MAP3K4: variants seen among roughly 807,000 people sequenced by gnomAD.
The protein encoded by MAP3K4 is MAP three kinase 1.
Under a neutral mutation model 185.6 loss-of-function variants are expected in MAP3K4, and 67 were observed. That is an observed-to-expected ratio of 0.36 (90% confidence interval 0.30 to 0.44). The LOEUF is 0.44. Ranked by LOEUF, MAP3K4 falls within the 20% of genes least tolerant of loss-of-function variation. MAP3K4 has a pLI of 1.00. For synonymous variants in MAP3K4, 702 were observed against 710.4 expected, an observed-to-expected ratio of 0.99 and a Z score of 0.19; for missense variants, 1,551 against 1,995.1, an observed-to-expected ratio of 0.78 and a Z score of 4.24.
intron 1 of MAP3K4, among the ~76,000 whole-genome samples, chr6:161,014,905 C>G (rs1214252741): frequency 6.6e-6 from 1 of 152,196 alleles, no homozygotes; most frequent in Non-Finnish European, 1.5e-5. Context: ...CCATTACCAA[C>G]CCCCTGCCCG....
At chr6:161,058,322 A>G (rs917921518) in intron 3 of MAP3K4, among the ~76,000 whole-genome samples, 2 of 152,212 alleles carry the variant, frequency 1.3e-5, no homozygotes, top group Non-Finnish European at 2.9e-5. Flanking sequence ...CCACATTCCC[A>G]CATGACCAGC....
intron 3 of MAP3K4, among the ~76,000 whole-genome samples, chr6:161,058,242 A>C (rs191292068): frequency 3.9e-4 from 59 of 152,302 alleles, no homozygotes; most frequent in African/African-American, 1.4e-3. Context: ...TTAGTGTCTA[A>C]TATTTTTAAA....
In MAP3K4 at chr6:161,097,197, C is replaced by A. The variant is rs752075396; in HGVS notation, c.3524+21C>A. The stretch of plus-strand genomic sequence containing the variant: ...TTCAGGTATTTGGTGCTTATCTAGT[C>A]ATTTGCTTTACAGAGTGCCCTCCGA... On this transcript the variant is annotated intron_variant, in intron 16 of 26. Coordinates refer to ENST00000392142, the MANE Select transcript of MAP3K4 (RefSeq NM_005922.4). The surrounding 1 kb of genome is among the most constrained non-coding windows in gnomAD (Gnocchi z 4.9). The A allele has an allele frequency of 6.2e-7, 1 of 1,605,198 alleles. No individual in the cohort carries two copies. The highest frequency in any genetic ancestry group is 2.2e-5 in the East Asian group (1 of 44,824).
intron 1 of MAP3K4, among the ~76,000 whole-genome samples, chr6:161,004,423 A>G (rs1457015805): frequency 6.6e-6 from 1 of 152,210 alleles, no homozygotes; most frequent in East Asian, 1.9e-4. Context: ...AGAGAAGGCT[A>G]AGCATTTCTT....
At chr6:161,041,563 G>A (rs1322419222) in intron 2 of MAP3K4, among the ~76,000 whole-genome samples, 1 of 152,348 alleles carries the variant, frequency 6.6e-6, no homozygotes, top group South Asian at 2.1e-4. Context: ...TAAGGCTCCA[G>A]AGAGGACCAC....
chr6:161,052,551 C>CT (rs1312782339), intron 3 of MAP3K4, among the ~76,000 whole-genome samples: 1 of 152,150 alleles, frequency 6.6e-6, no homozygotes, highest in Non-Finnish European at 1.5e-5. Flanking sequence ...TCATAAGATG[C>CT]TAAGTGTTCA....
Position 161,098,338 on chromosome 6 carries a change from TGC to T in MAP3K4, c.3586_3587del (p.Ala1196CysfsTer15), listed in dbSNP as rs1777667023. 9.3e-6 allele frequency: 15 copies of T among 1,613,112 alleles called. No homozygotes were observed. The highest frequency in any genetic ancestry group is 1.3e-5 in the African/African-American group (1 of 74,894). ...GCAGCCCTGCTGCTGCTGCTGCTGCTGCTGCTGCTGCTGTTGCTGCCAGTCGG... is the reference window on the plus strand; with the variant it reads ...GCAGCCCTGCTGCTGCTGCTGCTGCTTGCTGCTGCTGTTGCTGCCAGTCGG... ...HGSPAAAAAA[A>X]AAAVAASRPS... is the part of the protein sequence containing the mutation. On this transcript the variant is annotated frameshift_variant, in exon 17 of 27. Coordinates refer to ENST00000392142, the MANE Select transcript of MAP3K4 (RefSeq NM_005922.4). LOFTEE classifies it high-confidence loss of function. This position sits in a 1 kb window ranked among gnomAD's most constrained non-coding sequence, Gnocchi z 4.4.
chr6:161,084,961 A>T lies in MAP3K4; in HGVS notation c.2372+344A>T, dbSNP rs1785629979. ...GGAGTTCAAGACCAGCCTGGCCAAGATGGTGAAACCTCGTCTCTACTAAAA... is the reference window on the plus strand; with the variant it reads ...GGAGTTCAAGACCAGCCTGGCCAAGTTGGTGAAACCTCGTCTCTACTAAAA... On this transcript the variant is annotated intron_variant, in intron 7 of 26. Coordinates refer to ENST00000392142, the MANE Select transcript of MAP3K4 (RefSeq NM_005922.4). This position sits in a 1 kb window ranked among gnomAD's most constrained non-coding sequence, Gnocchi z 4.6. 1.3e-5 allele frequency among the ~76,000 whole-genome samples: 2 copies of T among 152,262 alleles called. No individual in the cohort carries two copies. The highest frequency in any genetic ancestry group is 2.1e-4 in the South Asian group (1 of 4,828).
rs1784874294 is a variant in MAP3K4 at position 161,070,149 on chromosome 6, T to C, written c.1708-459T>C. Among the ~76,000 whole-genome samples the C allele has an allele frequency of 6.6e-6, 1 of 152,228 alleles. No individual in the cohort carries two copies. Among genetic ancestry groups the C allele is most frequent in the African/African-American group, 2.4e-5 (1 of 41,452 alleles). The stretch of plus-strand genomic sequence containing the variant: ...AGAAGAATTAGTGGAACTGATTAGT[T>C]TTTATGTTTTCATAAATGGCTACTT... On this transcript the variant is annotated intron_variant, in intron 3 of 26. Coordinates refer to ENST00000392142, the MANE Select transcript of MAP3K4 (RefSeq NM_005922.4). This position sits in a 1 kb window ranked among gnomAD's most constrained non-coding sequence, Gnocchi z 4.5.
chr6:161,010,943 C>T (rs564027971), intron 1 of MAP3K4, among the ~76,000 whole-genome samples: 152 of 152,084 alleles, frequency 1.0e-3, no homozygotes, highest in African/African-American at 3.5e-3. Context: ...CTTAGAGCAC[C>T]GTAAGGCAGT....
Position 161,048,186 on chromosome 6 carries a change from CTTAAGT to C in MAP3K4, c.344-426_344-421del, listed in dbSNP as rs1783824841. 26 of 509,710 alleles carry C rather than the reference CTTAAGT, an allele frequency of 5.1e-5. No homozygotes were observed. Among genetic ancestry groups the C allele is most frequent in the South Asian group, 3.1e-4 (21 of 66,762 alleles). 31.6% of individuals were successfully genotyped at this position (509,710 alleles called of 1,614,324 possible). On this transcript the variant is annotated intron_variant, in intron 2 of 26. Transcript: ENST00000392142. This position sits in a 1 kb window ranked among gnomAD's most constrained non-coding sequence, Gnocchi z 4.7. ...ATCCAGATAATTTACGTGATTTCCT[CTTAAGT>C]TTACACATTTAGCTAATGACAAATG... is the stretch of plus-strand genomic sequence containing the variant.
chr6:161,091,553 T>C lies in MAP3K4; in HGVS notation c.3135+13T>C. ...TTTTGGATTTGAGGTAGGTTCAAAATAAGAGGAAACACGGTACAATTTAGT... is the reference window on the plus strand; with the variant it reads ...TTTTGGATTTGAGGTAGGTTCAAAACAAGAGGAAACACGGTACAATTTAGT... On this transcript the variant is annotated intron_variant, in intron 12 of 26. Coordinates refer to ENST00000392142, the MANE Select transcript of MAP3K4 (RefSeq NM_005922.4). This position sits in a 1 kb window ranked among gnomAD's most constrained non-coding sequence, Gnocchi z 5.5. 6.2e-7 allele frequency: 1 copy of C among 1,608,094 alleles called. No homozygotes were observed. The highest frequency in any genetic ancestry group is 8.5e-7 in the Non-Finnish European group (1 of 1,177,394).
chr6:160,991,897 C>T lies in MAP3K4; in HGVS notation c.-35C>T. On this transcript the variant is annotated 5_prime_UTR_variant, in exon 1 of 27. Coordinates refer to ENST00000392142, the MANE Select transcript of MAP3K4 (RefSeq NM_005922.4). The surrounding 1 kb of genome is among the most constrained non-coding windows in gnomAD (Gnocchi z 5.7). ...GTGCCCCGCGCCAGGCTGCAGCTTA[C>T]TGCCCGCCGCGGCCATGCGGGGCTC... 1 of 1,489,072 alleles carries T rather than the reference C, an allele frequency of 6.7e-7. No homozygotes were observed. The highest frequency in any genetic ancestry group is 1.5e-5 in the African/African-American group (1 of 68,526). The allele number at this position is 1,489,072 out of a possible 1,614,324, so 92.2% of individuals were successfully genotyped here. A position where few individuals can be genotyped will look rare whatever the true frequency, so the allele number is the denominator to read the frequency against.
chr6:161,022,226 T>G lies in MAP3K4; in HGVS notation c.153-12033T>G, dbSNP rs1384583844. On this transcript the variant is annotated intron_variant, in intron 1 of 26. Transcript: ENST00000392142. This position sits in a 1 kb window ranked among gnomAD's most constrained non-coding sequence, Gnocchi z 4.2. The stretch of plus-strand genomic sequence containing the variant: ...GAACGCAGAGTGTAATCCCTGCATT[T>G]GGTACGGAAGATAAATAGCTATCTG... 1 of 152,222 alleles carries G rather than the reference T, an allele frequency of 6.6e-6. No individual in the cohort carries two copies. The highest frequency in any genetic ancestry group is 6.5e-5 in the Admixed American group (1 of 15,286). The allele number at this position is 152,222 out of a possible 1,614,324, so 9.4% of individuals were successfully genotyped here.
chr6:161,028,035 T>C (rs1782753209), intron 1 of MAP3K4, among the ~76,000 whole-genome samples: 2 of 152,144 alleles, frequency 1.3e-5, no homozygotes, highest in South Asian at 2.1e-4. Flanking sequence ...CAGGTGGCCT[T>C]CTTAAGGTTT....
chr6:161,013,256 C>T (rs594602), intron 1 of MAP3K4, among the ~76,000 whole-genome samples: 130,483 of 152,224 alleles, frequency 0.86, 56,204 homozygotes, highest in Admixed American at 0.9. Context: ...TCATGTTTCA[C>T]TGCTATATAA....
chr6:161,038,627 A>C (rs1783295229), intron 2 of MAP3K4, among the ~76,000 whole-genome samples: 1 of 152,206 alleles, frequency 6.6e-6, no homozygotes, highest in South Asian at 2.1e-4. Context: ...ACCACTGTGA[A>C]ACTTAATGGC....
chr6:161,035,671 T>C (rs983788314), intron 2 of MAP3K4, among the ~76,000 whole-genome samples: 12 of 152,232 alleles, frequency 7.9e-5, no homozygotes, highest in African/African-American at 2.9e-4. Flanking sequence ...ATCTTGAAAA[T>C]CATTTATTGT....
rs1417175243 is a variant in MAP3K4 at position 161,082,783 on chromosome 6, C to CA, written c.2256-1717dup. ...CCACTCTTCCCAGGTTGTCATTTCT[C>CA]ACGTATGTTATTGCAGTAGCTCTCT... On this transcript the variant is annotated intron_variant, in intron 6 of 26. Transcript: ENST00000392142. This position sits in a 1 kb window ranked among gnomAD's most constrained non-coding sequence, Gnocchi z 4.2. 6.6e-6 allele frequency among the ~76,000 whole-genome samples: 1 copy of CA among 152,182 alleles called. No homozygotes were observed. Among genetic ancestry groups the CA allele is most frequent in the African/African-American group, 2.4e-5 (1 of 41,448 alleles).
Sources: allele counts gnomAD v4.1 joint callset (sites outside exome capture counted in the v4.1 genomes callset), GRCh38; gene constraint gnomAD v4.1.1; non-coding constraint Gnocchi (gnomAD v3.1); transcripts MANE v1.5; gene names NCBI Gene and HGNC (gene_info 2026-07-23, HGNC 2026-07-21).